The following KCNIP4 variants were observed in gnomAD, a reference collection of about 807,000 sequenced individuals.
KCNIP4 encodes Kv channel-interacting protein 4.
KCNIP4 carries 12 observed loss-of-function variants against 34.0 expected under a neutral mutation model. The ratio of observed to expected loss-of-function variants is 0.35; its 90% CI spans 0.23 to 0.57. KCNIP4 has a LOEUF of 0.57. Ranked by LOEUF, KCNIP4 falls within the 20% of genes least tolerant of loss-of-function variation. The pLI is 0.83. For synonymous variants in KCNIP4, 124 were observed against 102.2 expected, an observed-to-expected ratio of 1.21 and a Z score of -1.29; for missense variants, 238 against 311.7, an observed-to-expected ratio of 0.76 and a Z score of 1.78.
chr4:21,804,197 G>T (rs969718946), intron 1 of KCNIP4, among the ~76,000 whole-genome samples: 1 of 152,226 alleles, frequency 6.6e-6, no homozygotes, highest in Non-Finnish European at 1.5e-5. Flanking sequence ...CATTTAGAAG[G>T]CAAGAAGGAC....
intron 1 of KCNIP4, among the ~76,000 whole-genome samples, chr4:21,910,736 C>T (rs1403907336): frequency 3.3e-5 from 5 of 152,132 alleles, no homozygotes; most frequent in African/African-American, 9.7e-5. Flanking sequence ...TTTGATTATT[C>T]GGCCAGTTAC....
intron 1 of KCNIP4, among the ~76,000 whole-genome samples, chr4:21,815,886 C>G (rs1721957368): frequency 6.6e-6 from 1 of 152,092 alleles, no homozygotes; most frequent in African/African-American, 2.4e-5. Flanking sequence ...CAGAAATATT[C>G]CTCAACTGTA....
At chr4:21,051,665 A>T (rs1283950186) in intron 1 of KCNIP4, among the ~76,000 whole-genome samples, 1 of 152,168 alleles carries the variant, frequency 6.6e-6, no homozygotes, top group African/African-American at 2.4e-5. Flanking sequence ...TTTGGCCCTG[A>T]ACACAAAACT....
chr4:20,809,763 C>T lies in KCNIP4; in HGVS notation c.288+40780G>A, dbSNP rs1039433796. 5.3e-5 allele frequency among the ~76,000 whole-genome samples: 8 copies of T among 152,148 alleles called. 1 individual carries two copies. The highest frequency in any genetic ancestry group is 1.9e-4 in the East Asian group (1 of 5,186). ...TTATTTTAACTGACATCTAAAAGCA[C>T]GAAACCTCTTAAAGTTTGGCTTGCC... On this transcript the variant is annotated intron_variant, in intron 3 of 8. Transcript: ENST00000382152.
At chr4:21,694,592 G>T (rs556395613) in intron 1 of KCNIP4, among the ~76,000 whole-genome samples, 3 of 152,046 alleles carry the variant, frequency 2.0e-5, no homozygotes, top group South Asian at 4.1e-4. Flanking sequence ...TTTTGAATCT[G>T]TACTCTCTAA....
chr4:21,935,848 G>T (rs567194414), intron 1 of KCNIP4, among the ~76,000 whole-genome samples: 1 of 151,914 alleles, frequency 6.6e-6, no homozygotes, highest in African/African-American at 2.4e-5. Flanking sequence ...TTAATCCTCA[G>T]TGCAACCTGG....
chr4:21,489,314 T>C (rs1296647957), intron 1 of KCNIP4, among the ~76,000 whole-genome samples: 22 of 93,162 alleles, frequency 2.4e-4, no homozygotes, highest in East Asian at 1.9e-3. Flanking sequence ...TTTATGAACA[T>C]AGAGTTGAAA....
intron 5 of KCNIP4, among the ~76,000 whole-genome samples, chr4:20,745,066 G>A (rs533336590): frequency 2.6e-5 from 4 of 152,322 alleles, no homozygotes; most frequent in African/African-American, 9.6e-5. Context: ...GTAGGACAGA[G>A]ATGTGCTTCT....
intron 1 of KCNIP4, among the ~76,000 whole-genome samples, chr4:21,010,797 A>C (rs59189784): frequency 0.026 from 3,894 of 152,314 alleles, 158 homozygotes; most frequent in African/African-American, 0.087. Flanking sequence ...TGAAAGCCTA[A>C]GTAATCCTAT....
At position 21,360,086 on chromosome 4, in the gene KCNIP4, C is replaced by A. The variant is rs183871970; in HGVS notation, c.62-477377G>T. 3.3e-5 allele frequency among the ~76,000 whole-genome samples: 5 copies of A among 151,976 alleles called. No homozygotes were observed. The East Asian group carries it at 9.6e-4, about 29-fold the overall frequency. On this transcript the variant is annotated intron_variant, in intron 1 of 8. Coordinates refer to ENST00000382152, the MANE Select transcript of KCNIP4 (RefSeq NM_025221.6). ...ACTGAGCTCTACTGTGCGTGTAACT[C>A]CTGTCTCAAAATTTAAACTGTTGTT... is the stretch of plus-strand genomic sequence containing the variant.
chr4:21,499,262 C>T (rs1051050296), intron 1 of KCNIP4, among the ~76,000 whole-genome samples: 9 of 146,820 alleles, frequency 6.1e-5, no homozygotes, highest in African/African-American at 2.0e-4. Context: ...ACCCAGGAGA[C>T]GGAGGTTGCA....
At chr4:21,518,832 C>A (rs369606012) in intron 1 of KCNIP4, among the ~76,000 whole-genome samples, 3 of 152,114 alleles carry the variant, frequency 2.0e-5, no homozygotes, top group African/African-American at 7.2e-5. Context: ...TAAACCCCTG[C>A]ATAGCCTGGA....
At chr4:20,973,144 A>G (rs1735140548) in intron 1 of KCNIP4, among the ~76,000 whole-genome samples, 1 of 152,164 alleles carries the variant, frequency 6.6e-6, no homozygotes, top group South Asian at 2.1e-4. Flanking sequence ...CTAGCTATGA[A>G]ACTTTTAGAC....
intron 1 of KCNIP4, among the ~76,000 whole-genome samples, chr4:21,908,481 C>G (rs115990155): frequency 1.3e-5 from 2 of 152,230 alleles, no homozygotes; most frequent in South Asian, 4.1e-4. Context: ...CATTATTAGG[C>G]AATAAATGAG....
At chr4:21,350,423 C>T (rs1284038807) in intron 1 of KCNIP4, among the ~76,000 whole-genome samples, 1 of 152,184 alleles carries the variant, frequency 6.6e-6, no homozygotes, top group African/African-American at 2.4e-5. Context: ...AGGCTGCTAA[C>T]ATGGCCAGCC....
In KCNIP4 at chr4:20,802,256, C is replaced by CATATATGCTATATATATGCTAT. The variant is rs1258790261; in HGVS notation, c.289-43388_289-43367dup. On this transcript the variant is annotated intron_variant, in intron 3 of 8. Coordinates refer to ENST00000382152, the MANE Select transcript of KCNIP4 (RefSeq NM_025221.6). ...CTACATATATGCTATATATATGCTA[C>CATATATGCTATATATATGCTAT]ATATATGCTATATATATGCTATATA... 1.6e-4 allele frequency among the ~76,000 whole-genome samples: 12 copies of CATATATGCTATATATATGCTAT among 74,462 alleles called. 1 individual carries two copies. The South Asian group carries it at 5.4e-3, about 34-fold the overall frequency. The allele number at this position is 74,462 out of a possible 152,430, so 48.8% of individuals were successfully genotyped here.
At chr4:21,380,748 A>C (rs1203869449) in intron 1 of KCNIP4, among the ~76,000 whole-genome samples, 1 of 151,972 alleles carries the variant, frequency 6.6e-6, no homozygotes, top group African/African-American at 2.4e-5. Context: ...GGACAGACCT[A>C]CTTTGTTCCT....
At chr4:21,924,929 C>T (rs1203205217) in intron 1 of KCNIP4, among the ~76,000 whole-genome samples, 1 of 151,962 alleles carries the variant, frequency 6.6e-6, no homozygotes, top group Non-Finnish European at 1.5e-5. Flanking sequence ...AGCGAATGTC[C>T]TGAGTCCTTA....
At chr4:21,506,086 A>G (rs982464012) in intron 1 of KCNIP4, among the ~76,000 whole-genome samples, 1 of 152,234 alleles carries the variant, frequency 6.6e-6, no homozygotes, top group Non-Finnish European at 1.5e-5. Flanking sequence ...CTGGTGAAAG[A>G]GCAAGACTCC....
Sources: gnomAD v4.1 joint callset for allele counts (sites outside exome capture counted in the v4.1 genomes callset) on GRCh38, gnomAD v4.1.1 for gene constraint, MANE v1.5 for transcripts, NCBI Gene and HGNC (gene_info 2026-07-23, HGNC 2026-07-21) for gene names.